CNTNAP5: variants seen among roughly 807,000 people sequenced by gnomAD.
The protein encoded by CNTNAP5 is contactin-associated protein-like 5.
Under a neutral mutation model 150.2 loss-of-function variants are expected in CNTNAP5, and 72 were observed. That is an observed-to-expected ratio of 0.48 (90% CI 0.40 to 0.58). The LOEUF (loss-of-function observed/expected upper bound fraction) is 0.58, where lower values mean the gene tolerates loss of function less well. Ranked by LOEUF, CNTNAP5 falls within the 20% of genes least tolerant of loss-of-function variation. The pLI, the probability that CNTNAP5 is intolerant of heterozygous loss-of-function variation, is 0.00. For missense variants in CNTNAP5, 1,636 were observed against 1,626.2 expected, an observed-to-expected ratio of 1.01 and a Z score of -0.10; for synonymous variants, 672 against 619.8, an observed-to-expected ratio of 1.08 and a Z score of -1.25.
chr2:124,554,633 A>G (rs143071155), intron 10 of CNTNAP5, among the ~76,000 whole-genome samples: 1 of 151,836 alleles, frequency 6.6e-6, no homozygotes, highest in African/African-American at 2.4e-5. Flanking sequence ...TGTTGTCCAG[A>G]CTTATCTTGA....
chr2:124,838,645 CT>C (rs771290295), intron 19 of CNTNAP5, among the ~76,000 whole-genome samples: 1 of 152,148 alleles, frequency 6.6e-6, no homozygotes, highest in Non-Finnish European at 1.5e-5. Context: ...CACAAACCCC[CT>C]ATTCATAACT....
At chr2:124,504,150 C>A in intron 7 of CNTNAP5, 142 bp from the exon 8 acceptor site, 2 of 818,048 alleles carry the variant, frequency 2.4e-6, no homozygotes, top group African/African-American at 1.7e-5. Context: ...GCAAAGCCGA[C>A]ATTTTTTTCT....
chr2:124,363,700 T>G (rs922917373), intron 3 of CNTNAP5, among the ~76,000 whole-genome samples: 1 of 152,182 alleles, frequency 6.6e-6, no homozygotes, highest in Non-Finnish European at 1.5e-5. Context: ...TCATGTTAAG[T>G]ATTCTTACCA....
chr2:124,831,838 T>A lies in CNTNAP5; in HGVS notation c.3218-33468T>A, dbSNP rs573355739. 9.2e-5 allele frequency among the ~76,000 whole-genome samples: 14 copies of A among 152,112 alleles called. No individual in the cohort carries two copies. The East Asian group carries it at 2.7e-3, about 29-fold the overall frequency. Reference sequence around the variant, plus strand: ...TATTATTTTTAACAGATTGCCTAGATTACTTATGAAAACTGACATATTGGA... The same window carrying A: ...TATTATTTTTAACAGATTGCCTAGAATACTTATGAAAACTGACATATTGGA... On this transcript the variant is annotated intron_variant, in intron 19 of 23. Coordinates refer to ENST00000682447, the MANE Select transcript of CNTNAP5 (RefSeq NM_001367498.1).
chr2:124,130,951 T>C (rs1683829519), intron 1 of CNTNAP5, among the ~76,000 whole-genome samples: 1 of 152,156 alleles, frequency 6.6e-6, no homozygotes, highest in Admixed American at 6.5e-5. Context: ...GATACTGTAA[T>C]AATAGTACCA....
At position 124,083,915 on chromosome 2, in the gene CNTNAP5, C is replaced by T. The variant is rs147180539; in HGVS notation, c.82+58183C>T. Reference sequence around the variant, plus strand: ...TTTTTGTAAGTGAAATAATTGAATACAAAAATATCTTGCTGGGAATTTGAT... The same window carrying T: ...TTTTTGTAAGTGAAATAATTGAATATAAAAATATCTTGCTGGGAATTTGAT... On this transcript the variant is annotated intron_variant, in intron 1 of 23. Coordinates refer to ENST00000682447, the MANE Select transcript of CNTNAP5 (RefSeq NM_001367498.1). Among the ~76,000 whole-genome samples, 546 of 151,934 alleles carry T rather than the reference C, an allele frequency of 3.6e-3. 4 individuals carry two copies. Among genetic ancestry groups the T allele is most frequent in the African/African-American group, 0.013 (525 of 41,452 alleles).
intron 13 of CNTNAP5, among the ~76,000 whole-genome samples, chr2:124,707,696 C>T (rs982147489): frequency 6.6e-6 from 1 of 152,110 alleles, no homozygotes; most frequent in Non-Finnish European, 1.5e-5. Context: ...CCCATGACAT[C>T]TAACAAACCT....
At chr2:124,460,137 G>GT (rs748809444) in intron 6 of CNTNAP5, among the ~76,000 whole-genome samples, 1 of 152,126 alleles carries the variant, frequency 6.6e-6, no homozygotes, top group Admixed American at 6.6e-5. Context: ...AGTGTAAACA[G>GT]TTTTTTTGTG....
At chr2:124,834,342 C>T (rs1301620407) in intron 19 of CNTNAP5, among the ~76,000 whole-genome samples, 1 of 152,102 alleles carries the variant, frequency 6.6e-6, no homozygotes, top group Non-Finnish European at 1.5e-5. Flanking sequence ...TCCTTAAAAA[C>T]AATGCTTTAG....
Position 124,631,941 on chromosome 2 carries a change from C to T in CNTNAP5, c.1877-15817C>T, listed in dbSNP as rs144033886. On this transcript the variant is annotated intron_variant, in intron 12 of 23. Transcript: ENST00000682447. ...ACACTTCTCAGAAAAGGCACACATG[C>T]GGCCAATAAACATGAAAATAAAGCT... Among the ~76,000 whole-genome samples the T allele has an allele frequency of 4.2e-4, 64 of 152,156 alleles. No homozygotes were observed. The East Asian group carries it at 0.01, about 25-fold the overall frequency.
chr2:124,364,291 T>A (rs1690306001), intron 3 of CNTNAP5, among the ~76,000 whole-genome samples: 1 of 152,168 alleles, frequency 6.6e-6, no homozygotes, highest in Non-Finnish European at 1.5e-5. Flanking sequence ...CATGGCTCAC[T>A]CTTTACTCCT....
At chr2:124,536,227 A>G (rs1487920319) in intron 10 of CNTNAP5, among the ~76,000 whole-genome samples, 1 of 152,158 alleles carries the variant, frequency 6.6e-6, no homozygotes, top group Admixed American at 6.5e-5. Context: ...ACAGAGGGGA[A>G]AAAAAGTTAT....
chr2:124,103,293 A>T (rs1482374919), intron 1 of CNTNAP5, among the ~76,000 whole-genome samples: 1 of 152,196 alleles, frequency 6.6e-6, no homozygotes, highest in African/African-American at 2.4e-5. Flanking sequence ...TGTAAAGTAA[A>T]CATGTTATAG....
chr2:124,175,023 T>A (rs1161331235), intron 1 of CNTNAP5, among the ~76,000 whole-genome samples: 1 of 152,208 alleles, frequency 6.6e-6, no homozygotes, highest in Non-Finnish European at 1.5e-5. Flanking sequence ...TTAATTAAAG[T>A]AAGTACATTT....
At chr2:124,298,478 A>G (rs1036017800) in intron 3 of CNTNAP5, among the ~76,000 whole-genome samples, 2 of 152,300 alleles carry the variant, frequency 1.3e-5, no homozygotes, top group South Asian at 2.1e-4. Context: ...GTAAGTGTTC[A>G]TTCATCAAAA....
chr2:124,783,910 T>C (rs1681506291), intron 17 of CNTNAP5, among the ~76,000 whole-genome samples: 1 of 152,332 alleles, frequency 6.6e-6, no homozygotes, highest in East Asian at 1.9e-4. Context: ...AATCACATTT[T>C]GAAATTAAAG....
At chr2:124,598,901 G>T (rs1307351987) in intron 11 of CNTNAP5, among the ~76,000 whole-genome samples, 2 of 151,996 alleles carry the variant, frequency 1.3e-5, no homozygotes, top group South Asian at 4.2e-4. Flanking sequence ...GGAGTGACCC[G>T]ATTTTCCAGG....
chr2:124,237,182 T>C (rs370694070), intron 2 of CNTNAP5, among the ~76,000 whole-genome samples: 97 of 152,260 alleles, frequency 6.4e-4, no homozygotes, highest in African/African-American at 2.3e-3. Flanking sequence ...GCTATGCTGC[T>C]ATGTGTGTGT....
At chr2:124,484,651 T>G (rs536242319) in intron 7 of CNTNAP5, among the ~76,000 whole-genome samples, 1 of 152,208 alleles carries the variant, frequency 6.6e-6, no homozygotes, top group Non-Finnish European at 1.5e-5. Context: ...ATGTTCCCCA[T>G]GAAGACCATA....
Sources: gnomAD v4.1 joint callset for allele counts (sites outside exome capture counted in the v4.1 genomes callset) on GRCh38, gnomAD v4.1.1 for gene constraint, MANE v1.5 for transcripts, NCBI Gene and HGNC (gene_info 2026-07-23, HGNC 2026-07-21) for gene names.